TMEM278: variants seen among roughly 807,000 people sequenced by gnomAD.
TMEM278 encodes transmembrane protein 278, also known as transmembrane protein 88B.
At chr1:1,427,697 C>T in the TMEM278 span, 2 of 1,327,012 alleles carry the variant, frequency 1.5e-6, no homozygotes, top group Non-Finnish European at 9.6e-7. Flanking sequence ...GGCGCCTCCG[C>T]CCGCTGCTGC....
chr1:1,427,723 C>A, the TMEM278 span: 4 of 1,306,900 alleles, frequency 3.1e-6, no homozygotes, highest in Non-Finnish European at 2.9e-6. Context: ...CCCGCTGGGA[C>A]CCCCGGACCC....
the TMEM278 span, chr1:1,426,297 T>A: frequency 2.7e-6 from 4 of 1,497,144 alleles, no homozygotes; most frequent in Non-Finnish European, 3.6e-6. Context: ...GGGCTCCTGC[T>A]GCACCTCCTG....
At chr1:1,428,331 C>T in the TMEM278 span, among the ~76,000 whole-genome samples, 1 of 151,972 alleles carries the variant, frequency 6.6e-6, no homozygotes, top group African/African-American at 2.4e-5. Context: ...GGGGAGACAC[C>T]CACGCTCGGC....
the TMEM278 span, chr1:1,426,061 G>A: frequency 4.7e-6 from 6 of 1,287,282 alleles, no homozygotes; most frequent in Non-Finnish European, 5.9e-6. Context: ...GGTCTTCCAG[G>A]GCAGCCCTGG....
chr1:1,427,904 G>T, the TMEM278 span: 2 of 1,018,664 alleles, frequency 2.0e-6, no homozygotes, highest in Non-Finnish European at 1.3e-6. Flanking sequence ...TGGGCGCGCA[G>T]CGCTCCCGGC....
chr1:1,426,720 GC>G, the TMEM278 span, among the ~76,000 whole-genome samples: 1 of 151,982 alleles, frequency 6.6e-6, no homozygotes, highest in African/African-American at 2.4e-5. Context: ...CTAACCCACA[GC>G]CCCCAGCCCC....
the TMEM278 span, chr1:1,426,357 T>A: frequency 7.0e-7 from 1 of 1,437,256 alleles, no homozygotes; most frequent in Non-Finnish European, 9.1e-7. Context: ...GCCGCCGTCG[T>A]CTACCTGGGA....
At chr1:1,427,742 C>T in the TMEM278 span, 25 of 1,305,400 alleles carry the variant, frequency 1.9e-5, no homozygotes, top group Non-Finnish European at 2.4e-5. Flanking sequence ...CCCGCCGCCC[C>T]CCGGGGCGCC....
At chr1:1,426,347 G>A in the TMEM278 span, 1 of 1,440,980 alleles carries the variant, frequency 6.9e-7, no homozygotes, top group Admixed American at 2.7e-5. Context: ...CCTGCCCGCG[G>A]CCGCCGTCGT....
At chr1:1,425,984 C>T in the TMEM278 span, 1 of 1,240,224 alleles carries the variant, frequency 8.1e-7, no homozygotes, top group Non-Finnish European at 1.0e-6. Flanking sequence ...AGGGCAGGAC[C>T]TCCCTAGCCA....
At chr1:1,426,066 C>T in the TMEM278 span, 1 of 1,308,308 alleles carries the variant, frequency 7.6e-7, no homozygotes, top group Non-Finnish European at 9.8e-7. Flanking sequence ...TCCAGGGCAG[C>T]CCTGGAGAGC....
chr1:1,428,144 C>G, the TMEM278 span, among the ~76,000 whole-genome samples: 5 of 18,580 alleles, frequency 2.7e-4, no homozygotes, highest in African/African-American at 6.2e-4. Context: ...GGAGGGGAGG[C>G]AAAGAGAGGG....
chr1:1,426,355 CGTCTACCTG>C, the TMEM278 span: 2 of 1,437,496 alleles, frequency 1.4e-6, no homozygotes, highest in Non-Finnish European at 1.8e-6. Context: ...CGGCCGCCGT[CGTCTACCTG>C]GGATTCCTGT....
chr1:1,428,553 G>A, the TMEM278 span, among the ~76,000 whole-genome samples: 1 of 152,088 alleles, frequency 6.6e-6, no homozygotes, highest in African/African-American at 2.4e-5. Context: ...GGTCCACAAC[G>A]TTCATCAGCT....
chr1:1,427,637 G>A, the TMEM278 span: 3 of 1,339,328 alleles, frequency 2.2e-6, no homozygotes, highest in East Asian at 6.5e-5. Context: ...GGCTTCTCTC[G>A]CTGCCGCCGC....
the TMEM278 span, among the ~76,000 whole-genome samples, chr1:1,426,997 G>A: frequency 6.6e-6 from 1 of 150,678 alleles, no homozygotes; most frequent in East Asian, 2.0e-4. Flanking sequence ...GCACTGCCTG[G>A]CCCACAGCGG....
chr1:1,427,828 G>C, the TMEM278 span: 5 of 1,360,884 alleles, frequency 3.7e-6, no homozygotes, highest in Non-Finnish European at 4.7e-6. Context: ...CTCCGAGCTC[G>C]CGCGCGACCC....
At chr1:1,428,256 C>T in the TMEM278 span, among the ~76,000 whole-genome samples, 1 of 151,650 alleles carries the variant, frequency 6.6e-6, no homozygotes, top group Non-Finnish European at 1.5e-5. Context: ...GCGCAGGCCC[C>T]AGCCCAAGGC....
At chr1:1,427,713 C>A in the TMEM278 span, 1 of 1,319,798 alleles carries the variant, frequency 7.6e-7, no homozygotes, top group South Asian at 1.9e-5. Flanking sequence ...GCTGCCTCCG[C>A]CCGCTGGGAC....
Sources: gnomAD v4.1 joint callset for allele counts (sites outside exome capture counted in the v4.1 genomes callset) on GRCh38, gnomAD v4.1.1 for gene constraint, MANE v1.5 for transcripts, NCBI Gene and HGNC (gene_info 2026-07-23, HGNC 2026-07-21) for gene names.